PCSK5: variants seen among roughly 807,000 people sequenced by gnomAD.
PCSK5 encodes prohormone convertase 5.
PCSK5 carries 129 observed loss-of-function variants against 233.2 expected under a neutral mutation model. The observed-to-expected ratio is 0.55, with a 90% CI of 0.48 to 0.64. The LOEUF (loss-of-function observed/expected upper bound fraction) is 0.64, where lower values mean the gene tolerates loss of function less well. Ranked by LOEUF, PCSK5 falls within the 30% of genes least tolerant of loss-of-function variation. The probability of loss-of-function intolerance (pLI) is 0.00; values close to 1 mark genes in which losing one functional copy is unlikely to be tolerated. For missense variants in PCSK5, 2,076 were observed against 2,430.1 expected (o/e 0.85, Z 3.06); for synonymous variants, 825 against 879.2 (o/e 0.94, Z 1.09).
At chr9:76,150,255 A>G (rs1194286743) in intron 10 of PCSK5, among the ~76,000 whole-genome samples, 3 of 152,210 alleles carry the variant, frequency 2.0e-5, no homozygotes, top group Non-Finnish European at 2.9e-5. Flanking sequence ...AGTTCTCAGT[A>G]GCACTGGTGA....
intron 4 of PCSK5, 26 bp from the exon 5 acceptor site, chr9:76,026,935 C>A (rs533213332): frequency 1.1e-5 from 17 of 1,551,072 alleles, no homozygotes; most frequent in Non-Finnish European, 1.5e-5. Context: ...ATTTCCTTTC[C>A]CTTGCTCTCT....
At position 75,959,273 on chromosome 9, in the gene PCSK5, C is replaced by T. The variant is rs117619344; in HGVS notation, c.297+26790C>T. ...CTAAGGAAGAAGACTGGGGAAACTTCAGATGCAAGACAGAGAGTGGCATTG... is the reference window on the plus strand; with the variant it reads ...CTAAGGAAGAAGACTGGGGAAACTTTAGATGCAAGACAGAGAGTGGCATTG... On this transcript the variant is annotated intron_variant, in intron 2 of 37. Transcript: ENST00000674117. Among the ~76,000 whole-genome samples, 629 of 152,276 alleles carry T rather than the reference C, an allele frequency of 4.1e-3. 7 individuals carry two copies. Among genetic ancestry groups the T allele is most frequent in the Non-Finnish European group, 5.1e-3 (347 of 68,028 alleles).
At chr9:75,943,030 G>A (rs143363846) in intron 2 of PCSK5, among the ~76,000 whole-genome samples, 1,526 of 151,690 alleles carry the variant, frequency 0.01, 32 homozygotes, top group African/African-American at 0.035. Context: ...GATTACAGGC[G>A]CTCGCCACCA....
In PCSK5 at chr9:76,362,905, C is replaced by T. The variant is rs1052394105; in HGVS notation, c.*3983C>T. Among the ~76,000 whole-genome samples the T allele has an allele frequency of 2.6e-5, 4 of 152,314 alleles. No homozygotes were observed. The highest frequency in any genetic ancestry group is 7.2e-5 in the African/African-American group (3 of 41,578). On this transcript the variant is annotated 3_prime_UTR_variant, in exon 38 of 38. Transcript: ENST00000674117. ...CCTTAAAAGGGACAGGAATTGCTCA[C>T]TCGGGGAGCTCGGCTCTTGAGACAG...
chr9:76,260,551 A>G (rs1410535478), intron 24 of PCSK5, among the ~76,000 whole-genome samples: 1 of 152,228 alleles, frequency 6.6e-6, no homozygotes, highest in African/African-American at 2.4e-5. Flanking sequence ...TGGCATCTAA[A>G]AGCCAAATAC....
intron 9 of PCSK5, among the ~76,000 whole-genome samples, chr9:76,131,753 G>A (rs1395515613): frequency 6.6e-6 from 1 of 151,958 alleles, no homozygotes; most frequent in Non-Finnish European, 1.5e-5. Flanking sequence ...AGAATTTCTT[G>A]CTTAATATTT....
At chr9:75,921,034 A>T (rs1037141989) in intron 1 of PCSK5, among the ~76,000 whole-genome samples, 2 of 152,156 alleles carry the variant, frequency 1.3e-5, no homozygotes, top group Non-Finnish European at 2.9e-5. Context: ...TTAAAATAAA[A>T]AAGTTGTTAG....
At chr9:76,249,802 CAA>C (rs1826743622) in intron 24 of PCSK5, among the ~76,000 whole-genome samples, 1 of 152,136 alleles carries the variant, frequency 6.6e-6, no homozygotes, top group Non-Finnish European at 1.5e-5. Flanking sequence ...CAAAGGGACA[CAA>C]GAGCCAACTG....
intron 2 of PCSK5, among the ~76,000 whole-genome samples, chr9:75,937,816 C>T (rs969711121): frequency 3.3e-5 from 5 of 152,226 alleles, no homozygotes; most frequent in African/African-American, 1.2e-4. Context: ...GAGACAGCTT[C>T]TTTCCTTAAA....
At chr9:75,946,117 G>A (rs1025745423) in intron 2 of PCSK5, among the ~76,000 whole-genome samples, 4 of 152,158 alleles carry the variant, frequency 2.6e-5, no homozygotes, top group Admixed American at 2.6e-4. Flanking sequence ...ATACATGAAT[G>A]AATAAATGAC....
chr9:76,200,688 C>T (rs923160064), intron 20 of PCSK5, among the ~76,000 whole-genome samples: 12 of 152,216 alleles, frequency 7.9e-5, no homozygotes, highest in African/African-American at 2.4e-4. Context: ...GAAGGATATT[C>T]GAGAGAGAGA....
At chr9:76,289,151 A>C (rs1416802281) in intron 24 of PCSK5, among the ~76,000 whole-genome samples, 1 of 152,096 alleles carries the variant, frequency 6.6e-6, no homozygotes, top group African/African-American at 2.4e-5. Flanking sequence ...CATACAAATG[A>C]GACAATAAAA....
intron 36 of PCSK5, 70 bp from the exon 37 acceptor site, chr9:76,353,963 C>A: frequency 9.2e-7 from 1 of 1,090,306 alleles, no homozygotes; most frequent in Non-Finnish European, 1.3e-6. Context: ...AGATGAGATA[C>A]AATCTGGGAA....
intron 20 of PCSK5, among the ~76,000 whole-genome samples, chr9:76,216,437 A>ATAGT (rs1351137024): frequency 6.6e-6 from 1 of 152,214 alleles, no homozygotes; most frequent in African/African-American, 2.4e-5. Flanking sequence ...AAGTTAGCTC[A>ATAGT]CAACCAATTC....
intron 7 of PCSK5, among the ~76,000 whole-genome samples, chr9:76,093,705 A>G (rs1359146847): frequency 6.6e-6 from 1 of 151,970 alleles, no homozygotes; most frequent in African/African-American, 2.4e-5. Flanking sequence ...CATATATTCT[A>G]TTGACCTATC....
rs1564094858 is a variant in PCSK5, at chr9:76,190,603, T to TTATAGTTTC, written c.2626+859_2626+860insTAGTTTCTA. Among the ~76,000 whole-genome samples, 6 of 152,144 alleles carry TTATAGTTTC rather than the reference T, an allele frequency of 3.9e-5. No individual in the cohort carries two copies. The East Asian group carries it at 5.8e-4, about 15-fold the overall frequency. ...CAATCATGTGAAGATTCTATAGTTTTTAGCCAATCTCCTATTATTTGGATT... is the reference window on the plus strand; with the variant it reads ...CAATCATGTGAAGATTCTATAGTTTTTATAGTTTCTAGCCAATCTCCTATTATTTGGATT... On this transcript the variant is annotated intron_variant, in intron 20 of 37. Transcript: ENST00000674117.
chr9:76,147,537 G>T (rs931207760), intron 10 of PCSK5, among the ~76,000 whole-genome samples: 1 of 152,120 alleles, frequency 6.6e-6, no homozygotes, highest in Non-Finnish European at 1.5e-5. Flanking sequence ...CTGAAAGCAT[G>T]TTAGAAATTC....
chr9:75,902,214 TAAAAA>T (rs200579439), intron 1 of PCSK5, among the ~76,000 whole-genome samples: 1,644 of 52,984 alleles, frequency 0.031, 3 homozygotes, highest in South Asian at 0.045. Context: ...AGACACCATC[TAAAAA>T]AAAAAAAAAA....
chr9:76,269,858 A>G (rs1827453607), intron 24 of PCSK5, among the ~76,000 whole-genome samples: 1 of 152,236 alleles, frequency 6.6e-6, no homozygotes, highest in Non-Finnish European at 1.5e-5. Context: ...CAAGGCTCCA[A>G]ACCTAGAGGG....
Sources: gnomAD v4.1 joint callset for allele counts (sites outside exome capture counted in the v4.1 genomes callset) on GRCh38, gnomAD v4.1.1 for gene constraint, MANE v1.5 for transcripts, NCBI Gene and HGNC (gene_info 2026-07-23, HGNC 2026-07-21) for gene names.